Variants in DNAJC11 observed in about 807,000 individuals in gnomAD.
The protein encoded by DNAJC11 is DnaJ heat shock protein family (Hsp40) member C11.
In DNAJC11, 15 loss-of-function variants were observed where a neutral mutation model predicts 78.6. That is an observed-to-expected ratio of 0.19 (90% CI 0.13 to 0.29). The LOEUF is 0.29. Among genes scored for constraint, DNAJC11 ranks in the 10% least tolerant of loss-of-function variants. DNAJC11 has a pLI of 1.00. For synonymous variants in DNAJC11, 292 were observed against 272.1 expected (o/e 1.07, Z -0.72); for missense variants, 547 against 709.6 (o/e 0.77, Z 2.60).
intron 14 of DNAJC11, 63 bp downstream of exon 14, chr1:6,637,135 T>A: frequency 6.3e-7 from 1 of 1,597,934 alleles, no homozygotes; most frequent in Middle Eastern, 2.0e-4. Context: ...TAGGCCTGAG[T>A]CACCGCGCCC....
At chr1:6,642,561 T>G (rs1234352980) in intron 10 of DNAJC11, among the ~76,000 whole-genome samples, 2 of 152,046 alleles carry the variant, frequency 1.3e-5, no homozygotes, top group Non-Finnish European at 2.9e-5. Context: ...GAAAGGAGGC[T>G]GGGCGCTGTG....
At chr1:6,657,201 C>A (rs572129627) in intron 4 of DNAJC11, among the ~76,000 whole-genome samples, 1 of 151,982 alleles carries the variant, frequency 6.6e-6, no homozygotes, top group African/African-American at 2.4e-5. Context: ...GACCAGCTCA[C>A]GAGAAGCCTT....
chr1:6,636,502 C>T (rs1641771347), intron 14 of DNAJC11, among the ~76,000 whole-genome samples: 1 of 152,190 alleles, frequency 6.6e-6, no homozygotes, highest in Admixed American at 6.5e-5. Context: ...CCTGAGCTAA[C>T]CTGCATTTTC....
intron 7 of DNAJC11, among the ~76,000 whole-genome samples, chr1:6,649,031 C>T (rs1642012061): frequency 6.6e-6 from 1 of 150,700 alleles, no homozygotes; most frequent in South Asian, 2.1e-4. Flanking sequence ...CTTGCTCTGT[C>T]GCCTAGGCTG....
chr1:6,652,960 G>A lies in DNAJC11; in HGVS notation c.508-9C>T. ...GTCGCTGTCAAGGGTGCCTAAAAATGGTATTTGCTGGTAATGAATGAATCA... is the reference window on the plus strand; with the variant it reads ...GTCGCTGTCAAGGGTGCCTAAAAATAGTATTTGCTGGTAATGAATGAATCA... On this transcript the variant is annotated splice_polypyrimidine_tract_variant and intron_variant, in intron 5 of 15. Coordinates refer to ENST00000377577, the MANE Select transcript of DNAJC11 (RefSeq NM_018198.4). The A allele has an allele frequency of 6.2e-7, 1 of 1,612,350 alleles. No homozygotes were observed. The highest frequency in any genetic ancestry group is 1.1e-5 in the South Asian group (1 of 91,056).
intron 10 of DNAJC11, among the ~76,000 whole-genome samples, chr1:6,640,559 T>C (rs542334643): frequency 1.3e-5 from 2 of 152,206 alleles, no homozygotes; most frequent in South Asian, 2.1e-4. Flanking sequence ...TGGCCAGGCG[T>C]GGTGGCTCAC....
At chr1:6,659,979 C>T (rs1341775795) in intron 4 of DNAJC11, among the ~76,000 whole-genome samples, 1 of 151,204 alleles carries the variant, frequency 6.6e-6, no homozygotes, top group Non-Finnish European at 1.5e-5. Flanking sequence ...TGGCATGAAC[C>T]CGGGAGGCGG....
chr1:6,639,171 G>A (rs1453506019), intron 11 of DNAJC11, among the ~76,000 whole-genome samples: 1 of 151,890 alleles, frequency 6.6e-6, no homozygotes, highest in East Asian at 1.9e-4. Context: ...GATTATCTAA[G>A]AAACTGCAAA....
chr1:6,690,720 C>G (rs778389154), intron 1 of DNAJC11, among the ~76,000 whole-genome samples: 3 of 151,832 alleles, frequency 2.0e-5, no homozygotes, highest in African/African-American at 4.8e-5. Context: ...GTCAGGAGAT[C>G]GAGACCATCC....
intron 2 of DNAJC11, among the ~76,000 whole-genome samples, 160 bp from the exon 3 acceptor site, chr1:6,678,627 C>T (rs1016234595): frequency 2.0e-5 from 3 of 152,296 alleles, no homozygotes; most frequent in Middle Eastern, 3.4e-3. Flanking sequence ...TTCCTCCCAA[C>T]TGCTTTTTCG....
At position 6,637,205 on chromosome 1, in the gene DNAJC11, G is replaced by C; in HGVS notation, c.1517C>G (p.Ala506Gly). The stretch of plus-strand genomic sequence containing the variant: ...TGGCTGGTGCTGCTGTACCTTGGAG[G>C]CCTCCGTGAGGATGAGCTTCGAGTC... The part of the protein sequence containing the change: ...VKDSKLILTE[A>G]SKAGLPGFYD... The change falls in exon 14 of 16, where the codon GCC becomes GGC. Residue 506 changes from alanine to glycine, a missense_variant. Ala to Gly is a moderately conservative substitution (Grantham distance 60). Coordinates refer to ENST00000377577, the MANE Select transcript of DNAJC11 (RefSeq NM_018198.4). 6.2e-7 allele frequency: 1 copy of C among 1,614,156 alleles called. No homozygotes were observed. Among genetic ancestry groups the C allele is most frequent in the Non-Finnish European group, 8.5e-7 (1 of 1,180,032 alleles).
chr1:6,646,027 G>A, intron 7 of DNAJC11, 49 bp from the exon 8 acceptor site: 1 of 1,579,522 alleles, frequency 6.3e-7, no homozygotes, highest in Non-Finnish European at 8.7e-7. Flanking sequence ...CCTGCTCTCA[G>A]CTGTTCTGTT....
chr1:6,635,317 T>C lies in DNAJC11; in HGVS notation c.*358A>G. On this transcript the variant is annotated 3_prime_UTR_variant, in exon 16 of 16. Transcript: ENST00000377577. The stretch of plus-strand genomic sequence containing the variant: ...CGCTCCTGTGGTGAGGGCAGGGTGC[T>C]CCACAGACACCTCCAGACCCAGCCA... The C allele has an allele frequency of 4.6e-6, 1 of 219,592 alleles. No homozygotes were observed. The allele number at this position is 219,592 out of a possible 1,614,324, so 13.6% of individuals were successfully genotyped here.
chr1:6,648,142 A>G (rs1641995792), intron 7 of DNAJC11, among the ~76,000 whole-genome samples: 1 of 152,080 alleles, frequency 6.6e-6, no homozygotes, highest in South Asian at 2.1e-4. Context: ...CCTCCCTCAT[A>G]AGACCCAAAG....
intron 3 of DNAJC11, chr1:6,670,311 T>TGGGCTCACACTCATCTCAC (rs1222225253): frequency 1.3e-5 from 2 of 152,172 alleles, no homozygotes; most frequent in Admixed American, 1.3e-4. Context: ...CCTCTTCTCA[T>TGGGCTCACACTCATCTCAC]GGGCTCACAC....
intron 1 of DNAJC11, among the ~76,000 whole-genome samples, chr1:6,698,932 T>C (rs1642882480): frequency 6.7e-6 from 1 of 148,258 alleles, no homozygotes; most frequent in Non-Finnish European, 1.5e-5. Flanking sequence ...GAAGTCTAAT[T>C]ATATATATAA....
Position 6,657,306 on chromosome 1 carries a change from G to A in DNAJC11, c.379-3267C>T, listed in dbSNP as rs1393083991. ...CCCAGAGACTGCTGTTGGCAAGGAA[G>A]CCTGAGCTGGCCCGGGGAGAGGTTG... On this transcript the variant is annotated intron_variant, in intron 4 of 15. Coordinates refer to ENST00000377577, the MANE Select transcript of DNAJC11 (RefSeq NM_018198.4). Among the ~76,000 whole-genome samples the A allele has an allele frequency of 2.0e-5, 3 of 152,310 alleles. No individual in the cohort carries two copies. In the East Asian group the frequency reaches 5.8e-4, roughly 29 times the overall value.
intron 4 of DNAJC11, among the ~76,000 whole-genome samples, chr1:6,657,847 G>T (rs577287999): frequency 2.6e-5 from 4 of 152,104 alleles, no homozygotes; most frequent in Non-Finnish European, 4.4e-5. Context: ...GGGTTTCACC[G>T]TGTTAGCCAG....
At chr1:6,701,440 C>G (rs771253644) in intron 1 of DNAJC11, among the ~76,000 whole-genome samples, 4 of 152,222 alleles carry the variant, frequency 2.6e-5, no homozygotes, top group Non-Finnish European at 5.9e-5. Flanking sequence ...TCGGGGCCCC[C>G]GTTTCCTCTT....
Sources: allele counts gnomAD v4.1 joint callset (sites outside exome capture counted in the v4.1 genomes callset), GRCh38; gene constraint gnomAD v4.1.1; transcripts MANE v1.5; gene names NCBI Gene and HGNC (gene_info 2026-07-23, HGNC 2026-07-21).